The following SGCZ variants were observed in gnomAD, a reference collection of about 807,000 sequenced individuals.
SGCZ encodes zeta-sarcoglycan.
In SGCZ, 40 loss-of-function variants were observed where a neutral mutation model predicts 41.3. The ratio of observed to expected loss-of-function variants is 0.97; its 90% confidence interval spans 0.75 to 1.26. The LOEUF is 1.26. SGCZ is among the 50% of genes most tolerant of loss of function. The pLI, the probability that SGCZ is intolerant of heterozygous loss-of-function variation, is 0.00. For missense variants in SGCZ, 552 were observed against 369.8 expected, an observed-to-expected ratio of 1.49 and a Z score of -4.04; for synonymous variants, 206 against 137.5, an observed-to-expected ratio of 1.50 and a Z score of -3.49.
At chr8:14,907,612 T>A (rs1799159190) in intron 1 of SGCZ, among the ~76,000 whole-genome samples, 1 of 151,980 alleles carries the variant, frequency 6.6e-6, no homozygotes, top group South Asian at 2.1e-4. Flanking sequence ...GAAGCCAAGG[T>A]AGGAGTGTTG....
In SGCZ at chr8:14,245,736, A is replaced by C. The variant is rs561146922; in HGVS notation, c.337-8057T>G. ...ATATCCAGAATCAACAATGAACTCA[A>C]ACAAATTTACAAAAAAAACCACAAA... On this transcript the variant is annotated intron_variant, in intron 3 of 7. Coordinates refer to ENST00000382080, the MANE Select transcript of SGCZ (RefSeq NM_139167.4). Among the ~76,000 whole-genome samples the C allele has an allele frequency of 1.7e-3, 260 of 152,318 alleles. 1 individual carries two copies. The highest frequency in any genetic ancestry group is 3.1e-3 in the Non-Finnish European group (209 of 68,038).
At chr8:14,933,622 T>A (rs1799991143) in intron 1 of SGCZ, among the ~76,000 whole-genome samples, 1 of 151,774 alleles carries the variant, frequency 6.6e-6, no homozygotes, top group African/African-American at 2.4e-5. Context: ...CTTTCTTTTT[T>A]CTGTATTTTT....
chr8:14,516,618 C>CTAGGTACTAGGTACT (rs1232215654), intron 2 of SGCZ, among the ~76,000 whole-genome samples: 1 of 152,034 alleles, frequency 6.6e-6, no homozygotes, highest in East Asian at 1.9e-4. Flanking sequence ...ATCTAGGTAT[C>CTAGGTACTAGGTACT]AGGAAAATTT....
At chr8:14,618,956 G>A (rs1284642296) in intron 1 of SGCZ, among the ~76,000 whole-genome samples, 1 of 152,086 alleles carries the variant, frequency 6.6e-6, no homozygotes, top group African/African-American at 2.4e-5. Flanking sequence ...CATGTTTTAT[G>A]GAAAATCGAA....
intron 4 of SGCZ, among the ~76,000 whole-genome samples, chr8:14,220,986 G>C (rs981053221): frequency 6.7e-6 from 1 of 148,264 alleles, no homozygotes; most frequent in Admixed American, 6.8e-5. Flanking sequence ...TAGAGTTTCA[G>C]TATTTATTTG....
At chr8:14,716,647 G>T (rs925331895) in intron 1 of SGCZ, among the ~76,000 whole-genome samples, 15 of 151,924 alleles carry the variant, frequency 9.9e-5, no homozygotes, top group Admixed American at 2.0e-4. Flanking sequence ...ACCCATCTTA[G>T]GTTTCTTGCT....
Position 14,195,288 on chromosome 8 carries a change from C to T in SGCZ, c.425-30586G>A, listed in dbSNP as rs144881610. ...AGTAGGATGAAAAACTACATTGAGACGGAGAATACGCTGAAAAGGGTTGAC... is the reference window on the plus strand; with the variant it reads ...AGTAGGATGAAAAACTACATTGAGATGGAGAATACGCTGAAAAGGGTTGAC... On this transcript the variant is annotated intron_variant, in intron 4 of 7. Coordinates refer to ENST00000382080, the MANE Select transcript of SGCZ (RefSeq NM_139167.4). 3.1e-3 allele frequency among the ~76,000 whole-genome samples: 466 copies of T among 151,944 alleles called. 4 individuals carry two copies. The highest frequency in any genetic ancestry group is 0.01 in the African/African-American group (432 of 41,456).
At chr8:14,755,072 A>G (rs1045204577) in intron 1 of SGCZ, among the ~76,000 whole-genome samples, 1 of 152,044 alleles carries the variant, frequency 6.6e-6, no homozygotes, top group African/African-American at 2.4e-5. Context: ...TTAGGTTTCA[A>G]TGTCTTATTC....
At chr8:14,240,294 C>T (rs1798823403) in intron 3 of SGCZ, among the ~76,000 whole-genome samples, 1 of 144,594 alleles carries the variant, frequency 6.9e-6, no homozygotes, top group South Asian at 2.1e-4. Flanking sequence ...CACCACTGCA[C>T]TCCAGCCTGA....
intron 1 of SGCZ, among the ~76,000 whole-genome samples, chr8:15,190,092 C>A (rs1238556968): frequency 6.6e-6 from 1 of 152,136 alleles, no homozygotes; most frequent in Non-Finnish European, 1.5e-5. Flanking sequence ...TGCCAGGCAC[C>A]TTCACAAACC....
At chr8:14,143,926 C>T (rs1228236161) in intron 5 of SGCZ, among the ~76,000 whole-genome samples, 3 of 152,120 alleles carry the variant, frequency 2.0e-5, no homozygotes, top group Admixed American at 6.5e-5. Flanking sequence ...TCAGCTGATG[C>T]CCATCCACAG....
At chr8:14,861,390 C>T (rs983785183) in intron 1 of SGCZ, among the ~76,000 whole-genome samples, 2 of 152,070 alleles carry the variant, frequency 1.3e-5, no homozygotes, top group African/African-American at 4.8e-5. Flanking sequence ...ATAGAGATAA[C>T]TTTGCACAGC....
chr8:14,497,631 A>G (rs896363170), intron 2 of SGCZ, among the ~76,000 whole-genome samples: 4 of 151,860 alleles, frequency 2.6e-5, no homozygotes, highest in African/African-American at 9.7e-5. Context: ...TGTTAGTGTT[A>G]GTGTATTTTA....
intron 1 of SGCZ, among the ~76,000 whole-genome samples, chr8:14,954,516 C>T (rs1039209026): frequency 2.6e-5 from 4 of 152,074 alleles, no homozygotes; most frequent in African/African-American, 9.7e-5. Context: ...ATGCAGCTTC[C>T]ACGATTGCAT....
intron 3 of SGCZ, among the ~76,000 whole-genome samples, chr8:14,314,051 T>G (rs983873002): frequency 6.6e-6 from 1 of 152,080 alleles, no homozygotes; most frequent in African/African-American, 2.4e-5. Context: ...TTCATTTTTT[T>G]GTAAGGCTTC....
At position 14,086,690 on chromosome 8, in the gene SGCZ, T is replaced by C. The variant is rs1176503744; in HGVS notation, c.*3753A>G. Among the ~76,000 whole-genome samples, 1 of 151,726 alleles carries C rather than the reference T, an allele frequency of 6.6e-6. No individual in the cohort carries two copies. Among genetic ancestry groups the C allele is most frequent in the African/African-American group, 2.4e-5 (1 of 41,408 alleles). On this transcript the variant is annotated 3_prime_UTR_variant, in exon 8 of 8. Coordinates refer to ENST00000382080, the MANE Select transcript of SGCZ (RefSeq NM_139167.4). ...ATTACTGAATCCTGTTAACCAGGCATGATTTTTCCAAAGGAACCTTAATGT... is the reference window on the plus strand; with the variant it reads ...ATTACTGAATCCTGTTAACCAGGCACGATTTTTCCAAAGGAACCTTAATGT...
At chr8:14,629,842 T>A (rs1005806914) in intron 1 of SGCZ, among the ~76,000 whole-genome samples, 3 of 152,102 alleles carry the variant, frequency 2.0e-5, no homozygotes, top group Non-Finnish European at 4.4e-5. Context: ...CCTTTTCATA[T>A]AAATAATGCA....
intron 3 of SGCZ, among the ~76,000 whole-genome samples, chr8:14,297,181 C>A: frequency 6.6e-6 from 1 of 152,020 alleles, no homozygotes. Context: ...CCTCGGCCTC[C>A]AAAAGTGCTG....
intron 1 of SGCZ, among the ~76,000 whole-genome samples, chr8:15,063,954 G>A (rs985630725): frequency 1.3e-5 from 2 of 152,040 alleles, no homozygotes; most frequent in Non-Finnish European, 1.5e-5. Context: ...ACACAAAAAT[G>A]GTTATCTTAT....
Sources: allele counts gnomAD v4.1 joint callset (sites outside exome capture counted in the v4.1 genomes callset), GRCh38; gene constraint gnomAD v4.1.1; transcripts MANE v1.5; gene names NCBI Gene and HGNC (gene_info 2026-07-23, HGNC 2026-07-21).